Variants in EXOC6B observed in about 807,000 individuals in gnomAD.
EXOC6B encodes the protein SEC15 homolog B.
A neutral mutation model predicts 113.5 loss-of-function variants in EXOC6B; 54 were observed. The observed-to-expected ratio is 0.48, with a 90% CI of 0.38 to 0.60. EXOC6B has a LOEUF of 0.60. EXOC6B is among the 20% of genes least tolerant of loss of function. The pLI, the probability that EXOC6B is intolerant of heterozygous loss-of-function variation, is 0.00. For missense variants in EXOC6B, 797 were observed against 977.5 expected (o/e 0.82, Z 2.46); for synonymous variants, 357 against 339.0 (o/e 1.05, Z -0.58).
intron 18 of EXOC6B, chr2:72,463,473 T>A (rs1265825863): frequency 6.6e-6 from 1 of 152,088 alleles, no homozygotes; most frequent in Non-Finnish European, 1.5e-5. Flanking sequence ...GCTTTCCTTG[T>A]GGGCATTTGA....
intron 20 of EXOC6B, among the ~76,000 whole-genome samples, chr2:72,314,826 G>C (rs1479051002): frequency 1.2e-4 from 19 of 152,160 alleles, no homozygotes; most frequent in Admixed American, 1.2e-3. Flanking sequence ...AGCATGTTGA[G>C]ATTACACTTT....
chr2:72,391,757 T>C (rs1249758483), intron 18 of EXOC6B, among the ~76,000 whole-genome samples: 1 of 152,180 alleles, frequency 6.6e-6, no homozygotes, highest in East Asian at 1.9e-4. Context: ...ATAAAATTTT[T>C]AGTGCTGGAC....
intron 6 of EXOC6B, among the ~76,000 whole-genome samples, chr2:72,632,495 T>A (rs879289946): frequency 6.6e-6 from 1 of 152,198 alleles, no homozygotes; most frequent in African/African-American, 2.4e-5. Flanking sequence ...TATGGTTATA[T>A]AGTTGGTATT....
At chr2:72,487,472 C>T (rs1699490715) in intron 16 of EXOC6B, among the ~76,000 whole-genome samples, 1 of 152,112 alleles carries the variant, frequency 6.6e-6, no homozygotes, top group Non-Finnish European at 1.5e-5. Flanking sequence ...GCGATTCTCC[C>T]GGCTCAGCCT....
intron 2 of EXOC6B, among the ~76,000 whole-genome samples, chr2:72,739,667 T>C (rs1049660680): frequency 1.3e-5 from 2 of 152,116 alleles, no homozygotes; most frequent in African/African-American, 4.8e-5. Context: ...TTTAACTCTT[T>C]AGTTCCTCTG....
intron 19 of EXOC6B, among the ~76,000 whole-genome samples, chr2:72,359,013 T>C (rs957863303): frequency 6.6e-6 from 1 of 152,212 alleles, no homozygotes; most frequent in Non-Finnish European, 1.5e-5. Flanking sequence ...GCGGGCACTA[T>C]GCTAAGTCCT....
chr2:72,760,775 A>G (rs1450093592), intron 1 of EXOC6B, among the ~76,000 whole-genome samples: 1 of 152,250 alleles, frequency 6.6e-6, no homozygotes, highest in Non-Finnish European at 1.5e-5. Flanking sequence ...TAACATGTTA[A>G]GAGACATCTT....
chr2:72,220,207 G>A (rs1680780176), intron 20 of EXOC6B, among the ~76,000 whole-genome samples: 1 of 152,128 alleles, frequency 6.6e-6, no homozygotes, highest in Admixed American at 6.6e-5. Flanking sequence ...ATTTTCCAGG[G>A]CCTGAAGAAA....
Position 72,718,220 on chromosome 2 carries a change from C to A in EXOC6B, c.552G>T (p.Val184=). ...VSHYRFCKVM[V]DNIPKLREEI... ...CTTCTCGAAGCTTGGGGATGTTGTC[C>A]ACCATCACCTTGCAGAATCGATAGT... The change falls in exon 6 of 22, where the codon GTG becomes GTT. Residue 184 remains valine, a synonymous_variant. Transcript: ENST00000272427. 1 of 1,613,814 alleles carries A rather than the reference C, an allele frequency of 6.2e-7. No individual in the cohort carries two copies. Among genetic ancestry groups the A allele is most frequent in the African/African-American group, 1.3e-5 (1 of 75,016 alleles).
intron 6 of EXOC6B, among the ~76,000 whole-genome samples, chr2:72,621,078 G>A (rs190450970): frequency 2.0e-5 from 3 of 152,312 alleles, no homozygotes; most frequent in Non-Finnish European, 1.5e-5. Flanking sequence ...TTGAGCCACT[G>A]TGAAAAGCGG....
intron 6 of EXOC6B, among the ~76,000 whole-genome samples, chr2:72,661,370 CAA>C (rs200936973): frequency 2.6e-4 from 18 of 69,064 alleles, no homozygotes; most frequent in African/African-American, 6.0e-4. Context: ...CAAGGAATCT[CAA>C]AAAAAAAAAA....
chr2:72,259,732 C>A (rs1683587590), intron 20 of EXOC6B, among the ~76,000 whole-genome samples: 1 of 152,112 alleles, frequency 6.6e-6, no homozygotes. Context: ...CCCTAGCATG[C>A]CATGCTGGAT....
intron 6 of EXOC6B, among the ~76,000 whole-genome samples, chr2:72,705,868 A>G (rs1426325654): frequency 6.6e-6 from 1 of 152,254 alleles, no homozygotes; most frequent in Non-Finnish European, 1.5e-5. Context: ...GAATAAAAAA[A>G]GTGCCTCATT....
chr2:72,760,837 A>T (rs143339962), intron 1 of EXOC6B, among the ~76,000 whole-genome samples: 111 of 152,314 alleles, frequency 7.3e-4, no homozygotes, highest in African/African-American at 2.6e-3. Context: ...ACAAGGAATT[A>T]AAAAATTACA....
At chr2:72,814,380 A>T (rs1686100448) in intron 1 of EXOC6B, among the ~76,000 whole-genome samples, 1 of 152,232 alleles carries the variant, frequency 6.6e-6, no homozygotes, top group Non-Finnish European at 1.5e-5. Context: ...TGTAATAATT[A>T]ATCAATTATC....
intron 9 of EXOC6B, 148 bp from the exon 10 acceptor site, chr2:72,514,828 G>A (rs1701132569): frequency 3.1e-6 from 2 of 647,124 alleles, no homozygotes; most frequent in Non-Finnish European, 5.4e-6. Context: ...CAATGAAGAG[G>A]AAATATGACA....
chr2:72,219,200 C>T (rs540418766), intron 20 of EXOC6B, among the ~76,000 whole-genome samples: 2 of 152,068 alleles, frequency 1.3e-5, no homozygotes, highest in South Asian at 4.2e-4. Context: ...AGTGCCTAGC[C>T]ATGTGTGAAC....
At chr2:72,576,401 A>C (rs533064768) in intron 6 of EXOC6B, among the ~76,000 whole-genome samples, 47 of 152,248 alleles carry the variant, frequency 3.1e-4, no homozygotes, top group South Asian at 1.2e-3. Flanking sequence ...AGAAGTAGAA[A>C]GTGGGACTAT....
chr2:72,754,220 A>G (rs983727395), intron 1 of EXOC6B, among the ~76,000 whole-genome samples: 1 of 152,046 alleles, frequency 6.6e-6, no homozygotes, highest in Non-Finnish European at 1.5e-5. Context: ...AAGGTAGAAC[A>G]CAAGAAACTG....
Sources: allele counts gnomAD v4.1 joint callset (sites outside exome capture counted in the v4.1 genomes callset), GRCh38; gene constraint gnomAD v4.1.1; transcripts MANE v1.5; gene names NCBI Gene and HGNC (gene_info 2026-07-23, HGNC 2026-07-21).